CEP44: variants seen among roughly 807,000 people sequenced by gnomAD.
CEP44 encodes the protein centrosomal protein of 44 kDa.
CEP44 carries 45 observed loss-of-function variants against 46.7 expected under a neutral mutation model. The ratio of observed to expected loss-of-function variants is 0.96; its 90% CI spans 0.76 to 1.24. CEP44 has a LOEUF of 1.24. Among genes scored for constraint, CEP44 ranks in the 50% most tolerant of loss-of-function variants. CEP44 has a pLI of 0.00. For missense variants in CEP44, 475 were observed against 459.7 expected (o/e 1.03, Z -0.30); for synonymous variants, 142 against 146.0 (o/e 0.97, Z 0.20).
rs1048900300 is a variant in CEP44 at position 174,329,352 on chromosome 4, A to G, written c.1087-2130A>G. ...CAGACACACACACAGACACACACAC[A>G]CACACACATTTTAATAGGAGTTAAT... On this transcript the variant is annotated intron_variant, in intron 8 of 8. Transcript: ENST00000426172. The surrounding 1 kb of genome is among the most constrained non-coding windows in gnomAD (Gnocchi z 4.0). Among the ~76,000 whole-genome samples, 1 of 152,060 alleles carries G rather than the reference A, an allele frequency of 6.6e-6. No individual in the cohort carries two copies. The highest frequency in any genetic ancestry group is 2.4e-5 in the African/African-American group (1 of 41,414).
chr4:174,320,679 G>A (rs1010860646), downstream of CEP44, among the ~76,000 whole-genome samples: 2 of 83,820 alleles, frequency 2.4e-5, no homozygotes, highest in Admixed American at 2.5e-4. Context: ...CATACTGAGT[G>A]TGCTCTGTGT....
chr4:174,316,611 G>T, intron 11 of CEP44, 44 bp downstream of exon 11: 2 of 1,506,942 alleles, frequency 1.3e-6, no homozygotes, highest in Non-Finnish European at 1.8e-6. Flanking sequence ...TCTCTATAGG[G>T]AATTGTATTG....
chr4:174,317,308 CTTAATATA>C lies in CEP44; in HGVS notation c.1125-23_1125-16del. ...TGCTTTATTATGAATTATTGATTTA[CTTAATATA>C]TTATTTATTATATTTCAGGTTTGAA... On this transcript the variant is annotated intron_variant, in intron 11 of 11. Coordinates refer to ENST00000503780, the MANE Select transcript of CEP44 (RefSeq NM_001040157.3). 1.1e-6 allele frequency: 1 copy of C among 913,124 alleles called. No homozygotes were observed. Among genetic ancestry groups the C allele is most frequent in the East Asian group, 3.0e-5 (1 of 33,276 alleles). 56.6% of individuals were successfully genotyped at this position (913,124 alleles called of 1,614,324 possible). A position where few individuals can be genotyped will look rare whatever the true frequency, so the allele number is the denominator to read the frequency against.
chr4:174,324,959 G>C (rs1231418416), downstream of CEP44, among the ~76,000 whole-genome samples: 4 of 152,144 alleles, frequency 2.6e-5, no homozygotes, highest in Non-Finnish European at 5.9e-5. Context: ...TGACTAATAA[G>C]CTGTTATCAG....
Position 174,303,868 on chromosome 4 carries a change from A to T in CEP44, c.384+19A>T, listed in dbSNP as rs760815387. ...TCAGAAGGTAATTTTATGAATAGAT[A>T]TTAATGCTGATGTATGCTATTAATA... On this transcript the variant is annotated intron_variant, in intron 5 of 11. Coordinates refer to ENST00000503780, the MANE Select transcript of CEP44 (RefSeq NM_001040157.3). 6.8e-7 allele frequency: 1 copy of T among 1,474,650 alleles called. No homozygotes were observed. Among genetic ancestry groups the T allele is most frequent in the African/African-American group, 1.4e-5 (1 of 71,856 alleles). 91.3% of individuals were successfully genotyped at this position (1,474,650 alleles called of 1,614,324 possible).
At chr4:174,321,964 G>C (rs186591377), downstream of CEP44, among the ~76,000 whole-genome samples, 336 of 152,156 alleles carry the variant, frequency 2.2e-3, 2 homozygotes, top group Non-Finnish European at 4.1e-3. Context: ...TCTTGCTTCA[G>C]ATTTGCCATC....
At position 174,311,770 on chromosome 4, in the gene CEP44, G is replaced by C. The variant is rs539646809; in HGVS notation, c.961+912G>C. Among the ~76,000 whole-genome samples the C allele has an allele frequency of 6.6e-6, 1 of 152,268 alleles. No homozygotes were observed. Among genetic ancestry groups the C allele is most frequent in the East Asian group, 1.9e-4 (1 of 5,184 alleles). ...GCAAAGGTCACACAGTTATTGAATTGTAGATCAAATTTGAATCCAGGCAAC... is the reference window on the plus strand; with the variant it reads ...GCAAAGGTCACACAGTTATTGAATTCTAGATCAAATTTGAATCCAGGCAAC... On this transcript the variant is annotated intron_variant, in intron 9 of 11. Coordinates refer to ENST00000503780, the MANE Select transcript of CEP44 (RefSeq NM_001040157.3). This position sits in a 1 kb window ranked among gnomAD's most constrained non-coding sequence, Gnocchi z 4.4.
At chr4:174,333,244 A>G (rs183192441) in exon 9 of CEP44, 1 of 149,732 alleles carries the variant, frequency 6.7e-6, no homozygotes, top group Non-Finnish European at 1.5e-5. Flanking sequence ...ATTTTTCTTT[A>G]TATGATTCAA....
In CEP44 at chr4:174,286,940, A is replaced by G. The variant is rs1737645003; in HGVS notation, c.-148+2997A>G. On this transcript the variant is annotated intron_variant, in intron 1 of 11. Transcript: ENST00000503780. The surrounding 1 kb of genome is among the most constrained non-coding windows in gnomAD (Gnocchi z 5.2). ...GTAAGTTTTCCAAAATAATTGTACCATTTACTCTTTCTGTAAAAAGCATAG... is the reference window on the plus strand; with the variant it reads ...GTAAGTTTTCCAAAATAATTGTACCGTTTACTCTTTCTGTAAAAAGCATAG... Among the ~76,000 whole-genome samples, 1 of 152,150 alleles carries G rather than the reference A, an allele frequency of 6.6e-6. No homozygotes were observed. The highest frequency in any genetic ancestry group is 2.4e-5 in the African/African-American group (1 of 41,418).
Position 174,330,355 on chromosome 4 carries a change from GGC to G in CEP44, c.1087-1123_1087-1122del, listed in dbSNP as rs1383945971. Among the ~76,000 whole-genome samples the G allele has an allele frequency of 3.9e-5, 6 of 152,188 alleles. No individual in the cohort carries two copies. The East Asian group carries it at 1.2e-3, about 29-fold the overall frequency. ...AATACAAAAATTAGCCAGGCATGGT[GGC>G]GCGTGCCTGTAATCCCAGCTACTAG... On this transcript the variant is annotated intron_variant, in intron 8 of 8. Coordinates refer to the CEP44 transcript ENST00000426172.
intron 1 of CEP44, among the ~76,000 whole-genome samples, chr4:174,292,043 C>T (rs1738295995): frequency 6.6e-6 from 1 of 152,048 alleles, no homozygotes; most frequent in Non-Finnish European, 1.5e-5. Context: ...TGCCTGCCCT[C>T]AGCCTCCTCA....
rs180885711 is a variant in CEP44 at position 174,298,943 on chromosome 4, A to C, written c.-50-129A>C. ...AAGTAGAACTTGAGTAGTAGAGAAGAAGCTCGGGGAAAAAGAGCTAGGGTA... is the reference window on the plus strand; with the variant it reads ...AAGTAGAACTTGAGTAGTAGAGAAGCAGCTCGGGGAAAAAGAGCTAGGGTA... On this transcript the variant is annotated intron_variant, in intron 2 of 11. Coordinates refer to ENST00000503780, the MANE Select transcript of CEP44 (RefSeq NM_001040157.3). 1.7e-4 allele frequency: 92 copies of C among 545,152 alleles called. 1 individual carries two copies. The highest frequency in any genetic ancestry group is 9.8e-4 in the Middle Eastern group (2 of 2,050). The allele number at this position is 545,152 out of a possible 1,614,324, so 33.8% of individuals were successfully genotyped here. A position where few individuals can be genotyped will look rare whatever the true frequency, so the allele number is the denominator to read the frequency against.
rs926879921 is a variant in CEP44 at position 174,290,377 on chromosome 4, G to A, written c.-148+6434G>A. 2.8e-5 allele frequency among the ~76,000 whole-genome samples: 4 copies of A among 144,570 alleles called. No individual in the cohort carries two copies. Among genetic ancestry groups the A allele is most frequent in the African/African-American group, 9.8e-5 (4 of 40,630 alleles). The allele number at this position is 144,570 out of a possible 152,430, so 94.8% of individuals were successfully genotyped here. On this transcript the variant is annotated intron_variant, in intron 1 of 11. Coordinates refer to ENST00000503780, the MANE Select transcript of CEP44 (RefSeq NM_001040157.3). This position sits in a 1 kb window ranked among gnomAD's most constrained non-coding sequence, Gnocchi z 4.3. ...ATTTTCTTTCTATTATTGATTTCTA[G>A]TTTCATTCCCTCGTGATCAGACAAA...
chr4:174,331,637 C>T lies in CEP44; in HGVS notation c.*42C>T. 6.5e-7 allele frequency: 1 copy of T among 1,540,580 alleles called. No homozygotes were observed. Among genetic ancestry groups the T allele is most frequent in the Non-Finnish European group, 8.8e-7 (1 of 1,140,426 alleles). On this transcript the variant is annotated 3_prime_UTR_variant, in exon 9 of 9. Coordinates refer to the CEP44 transcript ENST00000426172. This position sits in a 1 kb window ranked among gnomAD's most constrained non-coding sequence, Gnocchi z 4.5. ...CCTGTGCTTACCTTTTCCTGCTGTA[C>T]TCTGATGTTTCAGTGAAGCTCATCC... is the stretch of plus-strand genomic sequence containing the variant.
rs1394960236 is a variant in CEP44, at chr4:174,331,963, CG to C, written c.*370del. 5.7e-6 allele frequency: 1 copy of C among 176,306 alleles called. No individual in the cohort carries two copies. The highest frequency in any genetic ancestry group is 1.2e-5 in the Non-Finnish European group (1 of 83,452). 10.9% of individuals were successfully genotyped at this position (176,306 alleles called of 1,614,324 possible). A position where few individuals can be genotyped will look rare whatever the true frequency, so the allele number is the denominator to read the frequency against. On this transcript the variant is annotated 3_prime_UTR_variant, in exon 9 of 9. Coordinates refer to the CEP44 transcript ENST00000426172. The surrounding 1 kb of genome is among the most constrained non-coding windows in gnomAD (Gnocchi z 4.5). ...CCTTCATTAATTTAAATATTTTTAT[CG>C]GCTCTAGAAAATGCATAAGGTTAGT... is the stretch of plus-strand genomic sequence containing the variant.
Position 174,317,569 on chromosome 4 carries a change from C to T in CEP44, c.*186C>T. 2 of 1,151,760 alleles carry T rather than the reference C, an allele frequency of 1.7e-6. No individual in the cohort carries two copies. The highest frequency in any genetic ancestry group is 3.7e-4 in the Middle Eastern group (1 of 2,676). The allele number at this position is 1,151,760 out of a possible 1,614,324, so 71.3% of individuals were successfully genotyped here. ...TTAATATTTTTGAGCAATGATTATA[C>T]TGCTTTACCTTGTGTCACTTTTTTT... On this transcript the variant is annotated 3_prime_UTR_variant, in exon 12 of 12. Coordinates refer to ENST00000503780, the MANE Select transcript of CEP44 (RefSeq NM_001040157.3).
Position 174,329,341 on chromosome 4 carries a change from G to GACAC in CEP44, c.1087-2125_1087-2122dup, listed in dbSNP as rs374868449. Among the ~76,000 whole-genome samples, 974 of 150,320 alleles carry GACAC rather than the reference G, an allele frequency of 6.5e-3. 5 individuals are homozygous for GACAC. Among genetic ancestry groups the GACAC allele is most frequent in the Admixed American group, 0.01 (154 of 15,096 alleles). On this transcript the variant is annotated intron_variant, in intron 8 of 8. Coordinates refer to the CEP44 transcript ENST00000426172. The surrounding 1 kb of genome is among the most constrained non-coding windows in gnomAD (Gnocchi z 4.0). The stretch of plus-strand genomic sequence containing the variant: ...TTGCTCAAACACAGACACACACACA[G>GACAC]ACACACACACACACACACATTTTAA...
At chr4:174,308,634 A>G in intron 6 of CEP44, 55 bp from the exon 7 acceptor site, 1 of 1,530,806 alleles carries the variant, frequency 6.5e-7, no homozygotes, top group Non-Finnish European at 8.8e-7. Context: ...TTAAAAAATA[A>G]ATAATTGTGG....
At position 174,329,914 on chromosome 4, in the gene CEP44, T is replaced by C. The variant is rs571630986; in HGVS notation, c.1087-1568T>C. Among the ~76,000 whole-genome samples the C allele has an allele frequency of 1.3e-5, 2 of 152,262 alleles. No individual in the cohort carries two copies. The highest frequency in any genetic ancestry group is 2.1e-4 in the South Asian group (1 of 4,828). On this transcript the variant is annotated intron_variant, in intron 8 of 8. Coordinates refer to the CEP44 transcript ENST00000426172. The surrounding 1 kb of genome is among the most constrained non-coding windows in gnomAD (Gnocchi z 4.0). ...AATATGTAAACCAAAATATTTTAGATAGGAATACTTATTATAGTTTCAACT... is the reference window on the plus strand; with the variant it reads ...AATATGTAAACCAAAATATTTTAGACAGGAATACTTATTATAGTTTCAACT...
Sources: gnomAD v4.1 joint callset for allele counts (sites outside exome capture counted in the v4.1 genomes callset) on GRCh38, gnomAD v4.1.1 for gene constraint, Gnocchi (gnomAD v3.1) non-coding constraint, MANE v1.5 for transcripts, NCBI Gene and HGNC (gene_info 2026-07-23, HGNC 2026-07-21) for gene names.